Variants in WBP2NL observed in about 807,000 individuals in gnomAD.
WBP2NL encodes WBP2 N-terminal like, also known as postacrosomal sheath WW domain-binding protein.
WBP2NL carries 27 observed loss-of-function variants against 23.3 expected under a neutral mutation model. That is an observed-to-expected ratio of 1.16 (90% CI 0.85 to 1.60). The LOEUF (loss-of-function observed/expected upper bound fraction) is 1.60, where lower values mean the gene tolerates loss of function less well. WBP2NL is among the 40% of genes most tolerant of loss of function. The pLI, the probability that WBP2NL is intolerant of heterozygous loss-of-function variation, is 0.00. For synonymous variants in WBP2NL, 151 were observed against 145.9 expected, an observed-to-expected ratio of 1.03 and a Z score of -0.25; for missense variants, 370 against 389.5, an observed-to-expected ratio of 0.95 and a Z score of 0.42.
chr22:42,022,596 A>G (rs898070725), intron 5 of WBP2NL, among the ~76,000 whole-genome samples: 9 of 152,212 alleles, frequency 5.9e-5, no homozygotes, highest in African/African-American at 1.9e-4. Flanking sequence ...ATACTTGGCA[A>G]TCCTGTTAGT....
At chr22:42,008,029 A>G (rs1020783058) in intron 1 of WBP2NL, among the ~76,000 whole-genome samples, 9 of 152,044 alleles carry the variant, frequency 5.9e-5, no homozygotes, top group African/African-American at 1.9e-4. Flanking sequence ...ACAGTGCACA[A>G]GAGTTCCGGT....
intron 1 of WBP2NL, among the ~76,000 whole-genome samples, chr22:41,999,674 A>G (rs1031624892): frequency 6.6e-6 from 1 of 152,132 alleles, no homozygotes; most frequent in Non-Finnish European, 1.5e-5. Context: ...AGGCGATGGT[A>G]AGAGGATTGC....
At chr22:42,029,914 G>C (rs1924828914), downstream of WBP2NL, 1 of 152,118 alleles carries the variant, frequency 6.6e-6, no homozygotes. Flanking sequence ...CTTTTTAAAA[G>C]TTTTAAATGC....
rs974388898 is a variant in WBP2NL at position 42,027,508 on chromosome 22, C to G, written c.*327C>G. 9.2e-6 allele frequency: 3 copies of G among 326,484 alleles called. No individual in the cohort carries two copies. The highest frequency in any genetic ancestry group is 6.3e-5 in the African/African-American group (3 of 47,472). The allele number at this position is 326,484 out of a possible 1,614,324, so 20.2% of individuals were successfully genotyped here. A position where few individuals can be genotyped will look rare whatever the true frequency, so the allele number is the denominator to read the frequency against. On this transcript the variant is annotated 3_prime_UTR_variant, in exon 6 of 6. Transcript: ENST00000328823. ...AGGTTCCTGTCTTCCCATCCTCATTCAAGAAACATTTATTATGCTCCGTTT... is the reference window on the plus strand; with the variant it reads ...AGGTTCCTGTCTTCCCATCCTCATTGAAGAAACATTTATTATGCTCCGTTT...
At position 42,019,726 on chromosome 22, in the gene WBP2NL, T is replaced by C. The variant is rs1923702722; in HGVS notation, c.236T>C (p.Leu79Pro). Residue 79 changes from leucine to proline, a missense_variant, in exon 3 of 6, where the codon CTG becomes CCG. Leu to Pro is a moderately conservative substitution (Grantham distance 98, BLOSUM62 -3). Coordinates refer to ENST00000328823, the MANE Select transcript of WBP2NL (RefSeq NM_152613.3). ...PMLSFMMPFD[L>P]MTNLTVEQPV... ...TTGTCTTTTATGATGCCATTTGATC[T>C]GATGACGAACCTCACTGTTGAACAA... is the stretch of plus-strand genomic sequence containing the variant. 5.6e-6 allele frequency: 9 copies of C among 1,614,118 alleles called. No homozygotes were observed. The highest frequency in any genetic ancestry group is 6.8e-6 in the Non-Finnish European group (8 of 1,180,052).
At chr22:42,057,219 A>G (rs1463934362) in intron 8 of WBP2NL, among the ~76,000 whole-genome samples, 1 of 151,968 alleles carries the variant, frequency 6.6e-6, no homozygotes, top group Admixed American at 6.6e-5. Context: ...ATTGTTCTTC[A>G]TTCTTGTTTC....
Position 42,027,679 on chromosome 22 carries a change from G to T in WBP2NL, c.*498G>T. ...CACCTGTTGAAAACTATGTCTAGAGGTAGAGAAAGCCTTCTTTGAGGAGAC... is the reference window on the plus strand; with the variant it reads ...CACCTGTTGAAAACTATGTCTAGAGTTAGAGAAAGCCTTCTTTGAGGAGAC... On this transcript the variant is annotated 3_prime_UTR_variant, in exon 6 of 6. Transcript: ENST00000328823. The T allele has an allele frequency of 3.2e-6, 1 of 309,568 alleles. No individual in the cohort carries two copies. The highest frequency in any genetic ancestry group is 5.8e-6 in the Non-Finnish European group (1 of 171,650). The allele number at this position is 309,568 out of a possible 1,614,324, so 19.2% of individuals were successfully genotyped here. A position where few individuals can be genotyped will look rare whatever the true frequency, so the allele number is the denominator to read the frequency against.
At chr22:42,043,273 CAA>C (rs1042524390) in intron 8 of WBP2NL, among the ~76,000 whole-genome samples, 2 of 152,100 alleles carry the variant, frequency 1.3e-5, no homozygotes, top group African/African-American at 2.4e-5. Context: ...TCCTTGGAGA[CAA>C]GAGGTGTGGG....
In WBP2NL at chr22:42,001,885, G is replaced by T. The variant is rs966038094; in HGVS notation, c.62+3005G>T. On this transcript the variant is annotated intron_variant, in intron 1 of 5. Transcript: ENST00000328823. Reference sequence around the variant, plus strand: ...AGCAGCAGCTTGACCCGCTCGATGGGTGCTACCGCCATCTTGGAGATGGCT... The same window carrying T: ...AGCAGCAGCTTGACCCGCTCGATGGTTGCTACCGCCATCTTGGAGATGGCT... The T allele has an allele frequency of 6.1e-6, 9 of 1,474,606 alleles. No homozygotes were observed. The South Asian group carries it at 8.8e-5, about 14-fold the overall frequency. The allele number at this position is 1,474,606 out of a possible 1,614,324, so 91.3% of individuals were successfully genotyped here.
chr22:42,009,058 C>T (rs575157632), intron 1 of WBP2NL, among the ~76,000 whole-genome samples: 92 of 152,276 alleles, frequency 6.0e-4, no homozygotes, highest in African/African-American at 2.1e-3. Flanking sequence ...GGATTACAGG[C>T]GTGAGCCACT....
At chr22:42,010,455 C>G (rs1922699432) in intron 1 of WBP2NL, among the ~76,000 whole-genome samples, 1 of 152,056 alleles carries the variant, frequency 6.6e-6, no homozygotes. Context: ...TCATATATGG[C>G]TTTTATTATG....
At chr22:42,018,240 A>C (rs1923507595) in intron 1 of WBP2NL, among the ~76,000 whole-genome samples, 1 of 148,044 alleles carries the variant, frequency 6.8e-6, no homozygotes, top group Admixed American at 6.8e-5. Flanking sequence ...ACCTGAGCCC[A>C]GGAGGTGGAG....
At chr22:42,052,753 T>G (rs550375859) in intron 8 of WBP2NL, among the ~76,000 whole-genome samples, 26 of 152,328 alleles carry the variant, frequency 1.7e-4, no homozygotes, top group Admixed American at 1.6e-3. Flanking sequence ...CACTGAGTCC[T>G]GGAGATCTGG....
intron 8 of WBP2NL, among the ~76,000 whole-genome samples, chr22:42,042,002 T>C (rs1437111483): frequency 7.9e-5 from 12 of 152,244 alleles, no homozygotes; most frequent in Admixed American, 6.5e-4. Flanking sequence ...ATTATCCCAT[T>C]CTTTCCTGGC....
At chr22:42,045,223 G>C (rs937216045) in intron 8 of WBP2NL, among the ~76,000 whole-genome samples, 18 of 152,058 alleles carry the variant, frequency 1.2e-4, no homozygotes, top group South Asian at 8.3e-4. Context: ...CGGATCACGA[G>C]GTCAGGAGAT....
intron 1 of WBP2NL, among the ~76,000 whole-genome samples, chr22:41,999,793 G>T (rs1033278709): frequency 6.6e-6 from 1 of 152,162 alleles, no homozygotes; most frequent in Non-Finnish European, 1.5e-5. Flanking sequence ...CTGAACAGAT[G>T]CCTGGGCACA....
Position 42,028,367 on chromosome 22 carries a change from C to T in WBP2NL, c.*1186C>T, listed in dbSNP as rs1420688888. The T allele has an allele frequency of 3.7e-6, 1 of 267,478 alleles. No homozygotes were observed. The highest frequency in any genetic ancestry group is 6.9e-6 in the Non-Finnish European group (1 of 145,246). The allele number at this position is 267,478 out of a possible 1,614,324, so 16.6% of individuals were successfully genotyped here. ...TATAACAAATATTTTGTAATGTCTC[C>T]TTCACTTCAATGAAGTTTGTAGATA... On this transcript the variant is annotated 3_prime_UTR_variant, in exon 6 of 6. Transcript: ENST00000328823.
At chr22:42,020,321 T>G (rs939516206) in intron 4 of WBP2NL, among the ~76,000 whole-genome samples, 5 of 152,120 alleles carry the variant, frequency 3.3e-5, no homozygotes, top group Admixed American at 3.3e-4. Flanking sequence ...GTTACAGGTA[T>G]GAGCCACCAT....
downstream of WBP2NL, among the ~76,000 whole-genome samples, chr22:42,034,457 G>C (rs1434218089): frequency 1.3e-5 from 2 of 152,212 alleles, no homozygotes; most frequent in Admixed American, 1.3e-4. Flanking sequence ...AGGTGTGGGT[G>C]ACAGACATCA....
Sources: allele counts gnomAD v4.1 joint callset (sites outside exome capture counted in the v4.1 genomes callset), GRCh38; gene constraint gnomAD v4.1.1; transcripts MANE v1.5; gene names NCBI Gene and HGNC (gene_info 2026-07-23, HGNC 2026-07-21).